Variants in ZNF45 observed in about 807,000 individuals in gnomAD.
ZNF45 encodes the protein zinc finger protein 45.
In ZNF45, 4 loss-of-function variants were observed where a neutral mutation model predicts 12.0. That is an observed-to-expected ratio of 0.33 (90% CI 0.16 to 0.76). The LOEUF is 0.76. Ranked by LOEUF, ZNF45 falls within the 30% of genes least tolerant of loss-of-function variation. The probability of loss-of-function intolerance (pLI) is 0.60; values close to 1 mark genes in which losing one functional copy is unlikely to be tolerated. For missense variants in ZNF45, 700 were observed against 813.0 expected (o/e 0.86, Z 1.69); for synonymous variants, 272 against 279.6 (o/e 0.97, Z 0.27).
chr19:43,913,440 C>T lies in ZNF45; in HGVS notation c.1996G>A (p.Glu666Lys). The T allele has an allele frequency of 6.3e-7, 1 of 1,589,592 alleles. No individual in the cohort carries two copies. Among genetic ancestry groups the T allele is most frequent in the South Asian group, 1.1e-5 (1 of 87,340 alleles). ...IIHQRVHADD[E>K]GDKDFPSSED... Reference sequence around the variant, plus strand: ...GATGAAGGAAAGTCCTTGTCACCCTCATCATCAGCATGGACTCGCTGATGA... The same window carrying T: ...GATGAAGGAAAGTCCTTGTCACCCTTATCATCAGCATGGACTCGCTGATGA... The change falls in exon 10 of 10, where the codon GAG becomes AAG. Residue 666 changes from glutamate (E) to lysine (K), a missense_variant. Glu to Lys is a moderately conservative substitution (Grantham distance 56). Coordinates refer to ENST00000269973, the MANE Select transcript of ZNF45 (RefSeq NM_003425.4).
At chr19:43,923,129 G>A (rs561724335) in intron 6 of ZNF45, among the ~76,000 whole-genome samples, 349 of 152,212 alleles carry the variant, frequency 2.3e-3, no homozygotes, top group Non-Finnish European at 4.1e-3. Context: ...CTCAGCTGAT[G>A]AATTCTTTAG....
intron 9 of ZNF45, among the ~76,000 whole-genome samples, chr19:43,917,696 G>A (rs1972803759): frequency 6.6e-6 from 1 of 152,094 alleles, no homozygotes; most frequent in Non-Finnish European, 1.5e-5. Flanking sequence ...ATGTTGGCCA[G>A]GCTGGTCTGG....
Position 43,913,229 on chromosome 19 carries a change from G to T in ZNF45, c.*158C>A. 1 of 721,016 alleles carries T rather than the reference G, an allele frequency of 1.4e-6. No individual in the cohort carries two copies. Among genetic ancestry groups the T allele is most frequent in the Non-Finnish European group, 2.2e-6 (1 of 462,952 alleles). The allele number at this position is 721,016 out of a possible 1,614,324, so 44.7% of individuals were successfully genotyped here. ...TGTATCAGCTAATGGTCAATGTTCTGAATGCAGTCCATATGTCTCCACTCT... is the reference window on the plus strand; with the variant it reads ...TGTATCAGCTAATGGTCAATGTTCTTAATGCAGTCCATATGTCTCCACTCT... On this transcript the variant is annotated 3_prime_UTR_variant, in exon 10 of 10. Transcript: ENST00000269973.
At position 43,914,793 on chromosome 19, in the gene ZNF45, T is replaced by C. The variant is rs1168421915; in HGVS notation, c.643A>G (p.Ser215Gly). 6.2e-7 allele frequency: 1 copy of C among 1,614,108 alleles called. No individual in the cohort carries two copies. Among genetic ancestry groups the C allele is most frequent in the Non-Finnish European group, 8.5e-7 (1 of 1,179,992 alleles). Residue 215 changes from serine (S) to glycine (G), a missense_variant, in exon 10 of 10, where the codon AGT becomes GGT. By Grantham distance (56) the Ser-to-Gly change is moderately conservative (BLOSUM62 0). Coordinates refer to ENST00000269973, the MANE Select transcript of ZNF45 (RefSeq NM_003425.4). ...SSLQAHQRVH[S>G]RAKSYTNDAS... ...TCATTTGTGTATGATTTTGCTCTAC[T>C]GTGGACTCTCTGATGGGCTTGAAGA...
chr19:43,913,883 T>A lies in ZNF45; in HGVS notation c.1553A>T (p.His518Leu), dbSNP rs567693312. The change falls in exon 10 of 10, where the codon CAT (histidine) becomes CTT (leucine). Residue 518 changes from histidine (H) to leucine (L), a missense_variant. Physicochemically the swap from His to Leu is moderately conservative, Grantham distance 99. Coordinates refer to ENST00000269973, the MANE Select transcript of ZNF45 (RefSeq NM_003425.4). ...AFSQFSSLQV[H>L]QRVHTGEKPY... ...TTTCTCTCCAGTGTGAACTCTCTGATGCACCTGAAGGCTGGAGAACTGACT... is the reference window on the plus strand; with the variant it reads ...TTTCTCTCCAGTGTGAACTCTCTGAAGCACCTGAAGGCTGGAGAACTGACT... 6.2e-7 allele frequency: 1 copy of A among 1,613,734 alleles called. No homozygotes were observed. Among genetic ancestry groups the A allele is most frequent in the East Asian group, 2.2e-5 (1 of 44,862 alleles).
intron 3 of ZNF45, among the ~76,000 whole-genome samples, chr19:43,929,607 A>AC (rs1337840988): frequency 6.6e-6 from 1 of 152,120 alleles, no homozygotes; most frequent in Non-Finnish European, 1.5e-5. Flanking sequence ...GTATTAAAAT[A>AC]CTATTCATTG....
In ZNF45 at chr19:43,919,671, A is replaced by G; in HGVS notation, c.44T>C (p.Val15Ala). 6.2e-7 allele frequency: 1 copy of G among 1,612,834 alleles called. No individual in the cohort carries two copies. The highest frequency in any genetic ancestry group is 8.5e-7 in the Non-Finnish European group (1 of 1,179,186). Residue 15 changes from valine to alanine, a missense_variant, in exon 8 of 10, where the codon GTG becomes GCG. Val to Ala is a moderately conservative substitution (Grantham distance 64, BLOSUM62 0). Coordinates refer to ENST00000269973, the MANE Select transcript of ZNF45 (RefSeq NM_003425.4). Reference protein sequence around the residue: ...KEAVTFKDVAVVFSEEELQLL... With the variant: ...KEAVTFKDVAAVFSEEELQLL... ...TTGCAGCTCCTCCTCAGAGAAGACC[A>G]CAGCCACGTCCTTGAATGTCACTGC...
intron 3 of ZNF45, among the ~76,000 whole-genome samples, chr19:43,928,785 G>T (rs1298786840): frequency 6.6e-6 from 1 of 152,168 alleles, no homozygotes; most frequent in African/African-American, 2.4e-5. Context: ...AGGAATGAAG[G>T]TTTGTTAGGA....
chr19:43,930,177 C>G (rs1159236710), intron 3 of ZNF45, among the ~76,000 whole-genome samples: 1 of 152,118 alleles, frequency 6.6e-6, no homozygotes, highest in Non-Finnish European at 1.5e-5. Flanking sequence ...TCTTCATAGT[C>G]TTCATATGGC....
At position 43,919,651 on chromosome 19, in the gene ZNF45, G is replaced by A. The variant is rs1291628957; in HGVS notation, c.64C>T (p.Leu22=). ...DVAVVFSEEE[L]QLLDLAQRKL... ...CTCTGGGCAAGGTCCAGCAGTTGCA[G>A]CTCCTCCTCAGAGAAGACCACAGCC... Residue 22 remains leucine (L), a synonymous_variant, in exon 8 of 10, where the codon CTG becomes TTG. Coordinates refer to ENST00000269973, the MANE Select transcript of ZNF45 (RefSeq NM_003425.4). The A allele has an allele frequency of 6.2e-7, 1 of 1,613,132 alleles. No homozygotes were observed.
rs1394288979 is a variant in ZNF45, at chr19:43,914,934, G to A, written c.502C>T (p.His168Tyr). The change falls in exon 10 of 10, where the codon CAT (histidine) becomes TAT (tyrosine). Residue 168 changes from histidine (H) to tyrosine (Y), a missense_variant. Physicochemically the swap from His to Tyr is moderately conservative, Grantham distance 83. Coordinates refer to ENST00000269973, the MANE Select transcript of ZNF45 (RefSeq NM_003425.4). Reference sequence around the variant, plus strand: ...CTCCAGCTGAAACTTTTCACACAATGTTCTCCTTTGTAGGGTTTTTCACCA... The same window carrying A: ...CTCCAGCTGAAACTTTTCACACAATATTCTCCTTTGTAGGGTTTTTCACCA... ...HTGEKPYKGE[H>Y]CVKSFSWSSH... is the part of the protein sequence containing the mutation. The A allele has an allele frequency of 4.3e-6, 7 of 1,612,358 alleles. No homozygotes were observed. In the African/African-American group the frequency reaches 9.3e-5, roughly 22 times the overall value.
rs1375595024 is a variant in ZNF45, at chr19:43,935,228, A to C, written c.-1060T>G. On this transcript the variant is annotated 5_prime_UTR_variant, in exon 1 of 10. Transcript: ENST00000269973. ...GGTCGCGGGGTCCCAGGACTCACTCACTTCCACGAGAGGAATGAAGGCCGC... is the reference window on the plus strand; with the variant it reads ...GGTCGCGGGGTCCCAGGACTCACTCCCTTCCACGAGAGGAATGAAGGCCGC... The C allele has an allele frequency of 6.6e-6, 1 of 152,266 alleles. No individual in the cohort carries two copies. Among genetic ancestry groups the C allele is most frequent in the Non-Finnish European group, 1.5e-5 (1 of 68,066 alleles). 9.4% of individuals were successfully genotyped at this position (152,266 alleles called of 1,614,324 possible).
At chr19:43,923,203 T>C (rs1458693293) in intron 6 of ZNF45, among the ~76,000 whole-genome samples, 2 of 152,202 alleles carry the variant, frequency 1.3e-5, no homozygotes, top group Non-Finnish European at 2.9e-5. Context: ...TTATTCTCTC[T>C]TGGTTTCCCA....
chr19:43,915,287 C>A, intron 9 of ZNF45, 87 bp from the exon 10 acceptor site: 1 of 1,330,180 alleles, frequency 7.5e-7, no homozygotes, highest in Non-Finnish European at 9.8e-7. Context: ...GGCCCATAGC[C>A]TAAGGCTTCA....
chr19:43,924,942 ACAGT>A (rs1243743756), intron 4 of ZNF45, among the ~76,000 whole-genome samples: 1 of 152,186 alleles, frequency 6.6e-6, no homozygotes, highest in Non-Finnish European at 1.5e-5. Flanking sequence ...TTTACATGAA[ACAGT>A]CAGGGAGCCC....
chr19:43,931,826 C>G (rs1233384053), intron 3 of ZNF45, among the ~76,000 whole-genome samples: 1 of 152,172 alleles, frequency 6.6e-6, no homozygotes, highest in African/African-American at 2.4e-5. Flanking sequence ...AACCTAGCTG[C>G]TGAGGTTTGA....
At chr19:43,925,787 A>AT (rs967177240) in intron 3 of ZNF45, among the ~76,000 whole-genome samples, 14 of 151,756 alleles carry the variant, frequency 9.2e-5, no homozygotes, top group African/African-American at 2.2e-4. Flanking sequence ...TTCCTGGCTA[A>AT]TTTTTTTTGT....
intron 9 of ZNF45, among the ~76,000 whole-genome samples, chr19:43,918,166 T>G (rs1972842352): frequency 6.6e-6 from 1 of 152,202 alleles, no homozygotes. Context: ...TAAACATTGT[T>G]TTTTCCTTGT....
chr19:43,927,672 C>G (rs1229682524), intron 3 of ZNF45, among the ~76,000 whole-genome samples: 1 of 152,060 alleles, frequency 6.6e-6, no homozygotes, highest in Middle Eastern at 3.2e-3. Context: ...TGAACAGAGA[C>G]CTCAAATATA....
Sources: allele counts gnomAD v4.1 joint callset (sites outside exome capture counted in the v4.1 genomes callset), GRCh38; gene constraint gnomAD v4.1.1; transcripts MANE v1.5; gene names NCBI Gene and HGNC (gene_info 2026-07-23, HGNC 2026-07-21).